The following ARB2A variants were observed in gnomAD, a reference collection of about 807,000 sequenced individuals.
ARB2A encodes cotranscriptional regulator ARB2A.
At chr5:93,956,603 T>G in the ARB2A span, among the ~76,000 whole-genome samples, 5 of 152,124 alleles carry the variant, frequency 3.3e-5, no homozygotes, top group South Asian at 1.0e-3. Flanking sequence ...TGGAAAATTT[T>G]GGAAATCTTT....
the ARB2A span, among the ~76,000 whole-genome samples, chr5:93,835,576 A>C: frequency 2.0e-4 from 30 of 152,384 alleles, no homozygotes; most frequent in African/African-American, 6.7e-4. Context: ...TTTTTACTTC[A>C]TATAAATCTT....
chr5:93,694,761 A>C, the ARB2A span, among the ~76,000 whole-genome samples: 1 of 152,206 alleles, frequency 6.6e-6, no homozygotes, highest in Non-Finnish European at 1.5e-5. Context: ...AAAAAGCTGG[A>C]GGCATCACGC....
At chr5:93,824,612 GTCT>G in the ARB2A span, among the ~76,000 whole-genome samples, 3 of 152,216 alleles carry the variant, frequency 2.0e-5, no homozygotes, top group Admixed American at 2.0e-4. Context: ...TGTCAATGCA[GTCT>G]TTTTTACATT....
chr5:93,824,036 T>C, the ARB2A span: 3 of 851,290 alleles, frequency 3.5e-6, no homozygotes, highest in African/African-American at 5.3e-5. Flanking sequence ...CAAAATATGT[T>C]ATTTTCCTTC....
At chr5:93,750,139 TAC>T in the ARB2A span, among the ~76,000 whole-genome samples, 1 of 152,218 alleles carries the variant, frequency 6.6e-6, no homozygotes, top group Non-Finnish European at 1.5e-5. Context: ...AATAAATATT[TAC>T]AGTTGTTTCT....
the ARB2A span, among the ~76,000 whole-genome samples, chr5:94,039,286 A>G: frequency 6.6e-6 from 1 of 152,182 alleles, no homozygotes; most frequent in Admixed American, 6.5e-5. Flanking sequence ...GACCATTAAG[A>G]CACTCTAAGT....
At chr5:94,100,534 A>G in the ARB2A span, among the ~76,000 whole-genome samples, 1 of 152,308 alleles carries the variant, frequency 6.6e-6, no homozygotes, top group Non-Finnish European at 1.5e-5. Context: ...CCGACCTCAA[A>G]CCATACTACA....
the ARB2A span, among the ~76,000 whole-genome samples, chr5:93,916,718 G>A: frequency 1.3e-5 from 2 of 152,110 alleles, no homozygotes; most frequent in East Asian, 3.9e-4. Context: ...CCTGACCTCA[G>A]TTAGTAACAG....
At chr5:93,847,404 C>T in the ARB2A span, among the ~76,000 whole-genome samples, 82 of 152,136 alleles carry the variant, frequency 5.4e-4, no homozygotes, top group African/African-American at 1.8e-3. Flanking sequence ...CCTTTATTGT[C>T]CATCACAAAA....
chr5:94,065,228 T>G, the ARB2A span, among the ~76,000 whole-genome samples: 1 of 152,192 alleles, frequency 6.6e-6, no homozygotes, highest in Non-Finnish European at 1.5e-5. Flanking sequence ...GAGAAAGACA[T>G]TCTGACTGGG....
the ARB2A span, among the ~76,000 whole-genome samples, chr5:93,844,726 A>G: frequency 6.6e-6 from 1 of 152,196 alleles, no homozygotes; most frequent in Non-Finnish European, 1.5e-5. Flanking sequence ...ACAGCAGTTA[A>G]CCAGAAAGGT....
the ARB2A span, among the ~76,000 whole-genome samples, chr5:93,779,391 CT>C: frequency 6.6e-6 from 1 of 151,962 alleles, no homozygotes; most frequent in African/African-American, 2.4e-5. Flanking sequence ...TTACGTGTCC[CT>C]TTTTTCAAGG....
the ARB2A span, among the ~76,000 whole-genome samples, chr5:93,624,925 T>C: frequency 6.6e-6 from 1 of 152,186 alleles, no homozygotes; most frequent in Non-Finnish European, 1.5e-5. Context: ...ATATACTGAA[T>C]TTTCCAGGAA....
the ARB2A span, among the ~76,000 whole-genome samples, chr5:93,718,439 C>CA: frequency 1.3e-4 from 18 of 141,520 alleles, no homozygotes; most frequent in South Asian, 9.1e-4. Flanking sequence ...TCCGTCTCAG[C>CA]AAAAAAAAAA....
chr5:94,099,655 A>AT, the ARB2A span, among the ~76,000 whole-genome samples: 1 of 149,186 alleles, frequency 6.7e-6, no homozygotes, highest in East Asian at 1.9e-4. Context: ...AAAAAAACCG[A>AT]AAATCAATAA....
chr5:94,030,968 CTTCT>C, the ARB2A span, among the ~76,000 whole-genome samples: 2 of 152,308 alleles, frequency 1.3e-5, no homozygotes, highest in South Asian at 4.1e-4. Context: ...TGGCTGCATG[CTTCT>C]TTAACCTCCC....
chr5:94,079,558 C>T, the ARB2A span, among the ~76,000 whole-genome samples: 3 of 152,122 alleles, frequency 2.0e-5, no homozygotes, highest in African/African-American at 7.2e-5. Context: ...TACAGCCAAA[C>T]AACACAACTT....
At chr5:93,770,321 C>A in the ARB2A span, among the ~76,000 whole-genome samples, 1 of 152,040 alleles carries the variant, frequency 6.6e-6, no homozygotes, top group Non-Finnish European at 1.5e-5. Flanking sequence ...ATAATAAGAG[C>A]TATCTATGAC....
At chr5:93,772,261 A>T in the ARB2A span, among the ~76,000 whole-genome samples, 8 of 152,160 alleles carry the variant, frequency 5.3e-5, no homozygotes, top group Middle Eastern at 3.4e-3. Context: ...AACAATGAGA[A>T]CACATGGACA....
Sources: gnomAD v4.1 joint callset for allele counts (sites outside exome capture counted in the v4.1 genomes callset) on GRCh38, gnomAD v4.1.1 for gene constraint, MANE v1.5 for transcripts, NCBI Gene and HGNC (gene_info 2026-07-23, HGNC 2026-07-21) for gene names.